Variants in CHMP2B observed in about 807,000 individuals in gnomAD.
CHMP2B encodes VPS2 homolog B.
Under a neutral mutation model 29.8 loss-of-function variants are expected in CHMP2B, and 22 were observed. The ratio of observed to expected loss-of-function variants is 0.74; its 90% confidence interval spans 0.53 to 1.05. The LOEUF (loss-of-function observed/expected upper bound fraction) is 1.05. CHMP2B is among the 50% of genes least tolerant of loss of function. The probability of loss-of-function intolerance (pLI) is 0.00; values close to 1 mark genes in which losing one functional copy is unlikely to be tolerated. For missense variants in CHMP2B, 261 were observed against 252.2 expected (o/e 1.03, Z -0.24); for synonymous variants, 78 against 75.8 (o/e 1.03, Z -0.15).
chr3:87,234,790 T>C (rs1300485583), intron 1 of CHMP2B, among the ~76,000 whole-genome samples: 3 of 152,166 alleles, frequency 2.0e-5, no homozygotes, highest in African/African-American at 7.2e-5. Flanking sequence ...TCCATCTCTC[T>C]TAGGTGGCAG....
At chr3:87,241,732 C>T (rs574113620) in intron 2 of CHMP2B, among the ~76,000 whole-genome samples, 20 of 152,084 alleles carry the variant, frequency 1.3e-4, no homozygotes, top group South Asian at 2.1e-4. Flanking sequence ...GAGTTGTTTC[C>T]AGGTATTGGT....
At chr3:87,232,332 A>T (rs1237059718) in intron 1 of CHMP2B, among the ~76,000 whole-genome samples, 3 of 152,152 alleles carry the variant, frequency 2.0e-5, no homozygotes, top group Admixed American at 6.6e-5. Context: ...AATAAAACGG[A>T]ATACCCTTCA....
In CHMP2B at chr3:87,254,723, T is replaced by C. The variant is rs1014335812; in HGVS notation, c.*901T>C. 6.6e-6 allele frequency: 1 copy of C among 151,790 alleles called. No individual in the cohort carries two copies. Among genetic ancestry groups the C allele is most frequent in the Non-Finnish European group, 1.5e-5 (1 of 67,868 alleles). 9.4% of individuals were successfully genotyped at this position (151,790 alleles called of 1,614,324 possible). On this transcript the variant is annotated 3_prime_UTR_variant, in exon 6 of 6. Coordinates refer to ENST00000263780, the MANE Select transcript of CHMP2B (RefSeq NM_014043.4). ...CTTTATAGTAAGAAAACAATATATT[T>C]TGGCCATCTAAAAATGAGAATTATA...
chr3:87,243,234 C>T (rs570781912), intron 2 of CHMP2B, among the ~76,000 whole-genome samples: 3 of 152,036 alleles, frequency 2.0e-5, no homozygotes, highest in African/African-American at 7.2e-5. Context: ...CTTTGATTAT[C>T]AAAAATTGAA....
chr3:87,240,688 G>T lies in CHMP2B; in HGVS notation c.35-11G>T. ...ACCCATAAATTTAGGTTTCTTTTGT[G>T]ATTCTCCTAGATGTAATAAAGGAAC... On this transcript the variant is annotated splice_polypyrimidine_tract_variant and intron_variant, in intron 1 of 5. Coordinates refer to ENST00000263780, the MANE Select transcript of CHMP2B (RefSeq NM_014043.4). The T allele has an allele frequency of 6.3e-7, 1 of 1,580,260 alleles. No individual in the cohort carries two copies.
Position 87,229,623 on chromosome 3 carries a change from A to G in CHMP2B, c.34+2067A>G, listed in dbSNP as rs58025651. Among the ~76,000 whole-genome samples the G allele has an allele frequency of 7.3e-3, 1,106 of 152,260 alleles. 12 individuals are homozygous for G. The highest frequency in any genetic ancestry group is 0.025 in the African/African-American group (1,044 of 41,556). On this transcript the variant is annotated intron_variant, in intron 1 of 5. Transcript: ENST00000263780. Reference sequence around the variant, plus strand: ...GCATTCTTCTTGGTAATGAGGCTGTATATTATGAATATGAAGTTTAATGTA... The same window carrying G: ...GCATTCTTCTTGGTAATGAGGCTGTGTATTATGAATATGAAGTTTAATGTA...
intron 4 of CHMP2B, among the ~76,000 whole-genome samples, chr3:87,250,814 T>C (rs1405336279): frequency 6.6e-6 from 1 of 151,830 alleles, no homozygotes; most frequent in Non-Finnish European, 1.5e-5. Flanking sequence ...CCTCAGAATA[T>C]TAACTTTTAT....
At chr3:87,237,661 A>G (rs1239891972) in intron 1 of CHMP2B, among the ~76,000 whole-genome samples, 1 of 152,186 alleles carries the variant, frequency 6.6e-6, no homozygotes, top group Non-Finnish European at 1.5e-5. Context: ...TCAATAATCT[A>G]TGATAGGTTC....
chr3:87,227,515 C>CT lies in CHMP2B; in HGVS notation c.-5dup. The CT allele has an allele frequency of 6.2e-7, 1 of 1,614,194 alleles. No homozygotes were observed. On this transcript the variant is annotated 5_prime_UTR_variant, in exon 1 of 6. Coordinates refer to ENST00000263780, the MANE Select transcript of CHMP2B (RefSeq NM_014043.4). ...CCGAGCCGGGCCGCCCGGGCGCAGTCTTTAACCATGGCGTCCCTCTTCAAG... is the reference window on the plus strand; with the variant it reads ...CCGAGCCGGGCCGCCCGGGCGCAGTCTTTTAACCATGGCGTCCCTCTTCAAG...
intron 2 of CHMP2B, among the ~76,000 whole-genome samples, chr3:87,244,513 A>C (rs982319198): frequency 6.6e-6 from 1 of 150,690 alleles, no homozygotes; most frequent in Admixed American, 6.6e-5. Context: ...GCAACTCACA[A>C]ATTTTTATGT....
intron 4 of CHMP2B, among the ~76,000 whole-genome samples, chr3:87,252,666 C>T (rs552504985): frequency 1.2e-4 from 18 of 151,874 alleles, no homozygotes; most frequent in African/African-American, 4.1e-4. Context: ...TGTCAACTAC[C>T]CGAGGTCTTT....
At chr3:87,245,462 A>G (rs538815508) in intron 2 of CHMP2B, among the ~76,000 whole-genome samples, 39 of 145,474 alleles carry the variant, frequency 2.7e-4, no homozygotes, top group Non-Finnish European at 2.5e-4. Flanking sequence ...TGGGCTCTAC[A>G]TGTGCACTGT....
chr3:87,253,183 TATAAG>T lies in CHMP2B; in HGVS notation c.425-216_425-212del, dbSNP rs535708981. 66 of 468,174 alleles carry T rather than the reference TATAAG, an allele frequency of 1.4e-4. 2 individuals are homozygous for T. Among genetic ancestry groups the T allele is most frequent in the South Asian group, 1.4e-3 (60 of 43,066 alleles). The allele number at this position is 468,174 out of a possible 1,614,324, so 29.0% of individuals were successfully genotyped here. ...TTTAAAAAAGAGTAGACTTGTTTGCTATAAGATAATTTGTGTTGAAATGAACATTA... is the reference window on the plus strand; with the variant it reads ...TTTAAAAAAGAGTAGACTTGTTTGCTATAATTTGTGTTGAAATGAACATTA... On this transcript the variant is annotated intron_variant, in intron 4 of 5. Coordinates refer to ENST00000263780, the MANE Select transcript of CHMP2B (RefSeq NM_014043.4).
At chr3:87,250,330 T>C (rs1575971058) in intron 4 of CHMP2B, among the ~76,000 whole-genome samples, 2 of 151,980 alleles carry the variant, frequency 1.3e-5, no homozygotes, top group African/African-American at 4.8e-5. Flanking sequence ...TTTTTGTTTG[T>C]TTTTATTCTC....
intron 2 of CHMP2B, among the ~76,000 whole-genome samples, chr3:87,244,880 T>C (rs1706183966): frequency 6.6e-6 from 1 of 152,246 alleles, no homozygotes; most frequent in African/African-American, 2.4e-5. Context: ...ATTTTCTGTC[T>C]ACTTGTAACA....
intron 4 of CHMP2B, among the ~76,000 whole-genome samples, chr3:87,250,476 A>G (rs1477041397): frequency 1.3e-5 from 2 of 151,996 alleles, no homozygotes; most frequent in African/African-American, 4.8e-5. Context: ...ACTCAGATGT[A>G]GTTACCGTTA....
chr3:87,243,287 T>C (rs758019046), intron 2 of CHMP2B, among the ~76,000 whole-genome samples: 8 of 152,304 alleles, frequency 5.3e-5, no homozygotes, highest in Middle Eastern at 3.4e-3. Flanking sequence ...GGTAATGATG[T>C]ATTTTTTTTA....
At chr3:87,249,745 A>G (rs542950300) in intron 3 of CHMP2B, 130 bp from the exon 4 acceptor site, 46 of 583,012 alleles carry the variant, frequency 7.9e-5, no homozygotes, top group South Asian at 6.5e-4. Flanking sequence ...TTAACAGTCT[A>G]TGTTTGATTA....
chr3:87,253,092 TA>T (rs1245134316), intron 4 of CHMP2B: 1 of 276,916 alleles, frequency 3.6e-6, no homozygotes, highest in African/African-American at 2.3e-5. Flanking sequence ...ATTTGTGAAA[TA>T]ATATTTAAAA....
Sources: allele counts gnomAD v4.1 joint callset (sites outside exome capture counted in the v4.1 genomes callset), GRCh38; gene constraint gnomAD v4.1.1; transcripts MANE v1.5; gene names NCBI Gene and HGNC (gene_info 2026-07-23, HGNC 2026-07-21).